The following RGS6 variants were observed in gnomAD, a reference collection of about 807,000 sequenced individuals.
RGS6 encodes the protein regulator of G-protein signaling 6.
A neutral mutation model predicts 78.5 loss-of-function variants in RGS6; 30 were observed. The ratio of observed to expected loss-of-function variants is 0.38; its 90% CI spans 0.29 to 0.52. RGS6 has a LOEUF of 0.52. RGS6 is among the 20% of genes least tolerant of loss of function. The pLI, the probability that RGS6 is intolerant of heterozygous loss-of-function variation, is 0.85. For missense variants in RGS6, 495 were observed against 609.7 expected, an observed-to-expected ratio of 0.81 and a Z score of 1.98; for synonymous variants, 206 against 206.0, an observed-to-expected ratio of 1.00 and a Z score of 0.00.
chr14:71,976,841 A>G lies in RGS6; in HGVS notation c.84+11966A>G, dbSNP rs1306540694. ...AGATCCCTGAGGAATCACCACACTG[A>G]CTTCCACAATGGTTGAACTAGTTTA... On this transcript the variant is annotated intron_variant, in intron 2 of 17. Transcript: ENST00000553525. Among the ~76,000 whole-genome samples the G allele has an allele frequency of 4.0e-5, 6 of 148,388 alleles. No homozygotes were observed. The East Asian group carries it at 1.2e-3, about 30-fold the overall frequency.
intron 2 of RGS6, among the ~76,000 whole-genome samples, chr14:72,190,346 C>T (rs1190322847): frequency 6.6e-6 from 1 of 152,236 alleles, no homozygotes; most frequent in Non-Finnish European, 1.5e-5. Flanking sequence ...GTTTTTCCAT[C>T]ATTTGGGTCT....
chr14:72,295,954 C>T (rs532374804), intron 2 of RGS6, among the ~76,000 whole-genome samples: 102 of 152,310 alleles, frequency 6.7e-4, no homozygotes, highest in African/African-American at 2.4e-3. Flanking sequence ...ACTTACGTAA[C>T]CCACAGCTCT....
intron 3 of RGS6, among the ~76,000 whole-genome samples, chr14:72,431,844 A>G (rs1381536863): frequency 2.0e-5 from 3 of 151,972 alleles, no homozygotes; most frequent in African/African-American, 7.3e-5. Flanking sequence ...TTCTCCTCTT[A>G]TTCCAGTGAT....
the RGS6 span, among the ~76,000 whole-genome samples, chr14:71,907,724 T>C: frequency 6.6e-6 from 1 of 152,022 alleles, no homozygotes; most frequent in Non-Finnish European, 1.5e-5. Context: ...CAGGAGGGTT[T>C]TGCAGTGGCC....
chr14:72,509,163 G>C (rs1345285006), intron 13 of RGS6, among the ~76,000 whole-genome samples: 4 of 151,982 alleles, frequency 2.6e-5, no homozygotes, highest in Admixed American at 1.3e-4. Flanking sequence ...AGGAGATTGA[G>C]ACCATCCTGG....
At chr14:72,403,144 C>T (rs1198480911) in intron 3 of RGS6, among the ~76,000 whole-genome samples, 1 of 152,178 alleles carries the variant, frequency 6.6e-6, no homozygotes. Context: ...AGAGGAATAC[C>T]TGCACCCCAT....
intron 2 of RGS6, among the ~76,000 whole-genome samples, chr14:72,217,551 A>T (rs1182603978): frequency 6.6e-6 from 1 of 151,974 alleles, no homozygotes; most frequent in Admixed American, 6.6e-5. Context: ...GTTTTTTTCT[A>T]ATTTAAAAAA....
At chr14:72,079,478 C>A (rs1405010637) in intron 2 of RGS6, among the ~76,000 whole-genome samples, 2 of 152,098 alleles carry the variant, frequency 1.3e-5, no homozygotes, top group Non-Finnish European at 1.5e-5. Flanking sequence ...AGGCATTGTG[C>A]ACTGGCTAAG....
chr14:72,566,945 A>G (rs7148786), downstream of RGS6, among the ~76,000 whole-genome samples: 70,067 of 152,010 alleles, frequency 0.46, 19,871 homozygotes, highest in African/African-American at 0.81. Context: ...CTTCTTACAC[A>G]GAGTCTCGGT....
intron 2 of RGS6, among the ~76,000 whole-genome samples, chr14:72,025,355 G>T (rs1567044499): frequency 1.3e-5 from 2 of 152,018 alleles, no homozygotes; most frequent in African/African-American, 4.8e-5. Context: ...ATTATACAGG[G>T]TTAACAAAAA....
chr14:72,048,864 C>T (rs942370710), intron 2 of RGS6, among the ~76,000 whole-genome samples: 2 of 152,162 alleles, frequency 1.3e-5, no homozygotes, highest in South Asian at 2.1e-4. Context: ...ATAACAAAAA[C>T]CTCTATAATC....
chr14:71,903,376 A>G, the RGS6 span, among the ~76,000 whole-genome samples: 3 of 152,172 alleles, frequency 2.0e-5, no homozygotes, highest in Admixed American at 6.5e-5. Context: ...TTGGCTAACT[A>G]TTGAGGTCAG....
At chr14:72,378,702 G>A (rs1415404107) in intron 3 of RGS6, among the ~76,000 whole-genome samples, 2 of 152,020 alleles carry the variant, frequency 1.3e-5, no homozygotes, top group African/African-American at 4.8e-5. Flanking sequence ...GTAATAAAAA[G>A]TTTCCCAAAA....
chr14:72,495,217 A>G lies in RGS6; in HGVS notation c.920A>G (p.Asn307Ser). The change falls in exon 13 of 18, where the codon AAC becomes AGC. Residue 307 changes from asparagine (N) to serine (S), a missense_variant. Physicochemically the swap from Asn to Ser is conservative, Grantham distance 46. Transcript: ENST00000553525. The stretch of plus-strand genomic sequence containing the variant: ...TTGATAACACCAGCTGAGCCATCCA[A>G]CCCTTGGATCAGCGATGACGTTGCT... Reference protein sequence around the residue: ...DPLITPAEPSNPWISDDVALW... With the variant: ...DPLITPAEPSSPWISDDVALW... 3 of 1,613,738 alleles carry G rather than the reference A, an allele frequency of 1.9e-6. No individual in the cohort carries two copies. Among genetic ancestry groups the G allele is most frequent in the African/African-American group, 1.3e-5 (1 of 75,016 alleles).
rs961753108 is a variant in RGS6 at position 72,277,231 on chromosome 14, G to A, written c.85-74864G>A. Among the ~76,000 whole-genome samples the A allele has an allele frequency of 1.2e-4, 19 of 152,316 alleles. 1 individual carries two copies. Among genetic ancestry groups the A allele is most frequent in the Admixed American group, 1.1e-3 (17 of 15,306 alleles). The stretch of plus-strand genomic sequence containing the variant: ...CAGGTGCATCAGAGGAGGCCTCTTT[G>A]TTCCTGGTACTATGCTCATTGATGT... On this transcript the variant is annotated intron_variant, in intron 2 of 17. Coordinates refer to ENST00000553525, the MANE Select transcript of RGS6 (RefSeq NM_001204424.2).
intron 2 of RGS6, among the ~76,000 whole-genome samples, chr14:72,075,461 A>G (rs2094542228): frequency 6.6e-6 from 1 of 152,128 alleles, no homozygotes; most frequent in Non-Finnish European, 1.5e-5. Flanking sequence ...TGGTACCTAA[A>G]TCAAGCTCTT....
At chr14:72,597,290 G>A in the RGS6 span, among the ~76,000 whole-genome samples, 8 of 151,924 alleles carry the variant, frequency 5.3e-5, no homozygotes, top group Non-Finnish European at 1.5e-5. Flanking sequence ...GATAATAATA[G>A]CATCGAATGC....
At chr14:72,209,610 T>C (rs1440209234) in intron 2 of RGS6, among the ~76,000 whole-genome samples, 1 of 152,176 alleles carries the variant, frequency 6.6e-6, no homozygotes, top group African/African-American at 2.4e-5. Flanking sequence ...CTCCCCATGC[T>C]GCCAGCTTAT....
chr14:72,437,839 A>T (rs2095008601), intron 3 of RGS6, among the ~76,000 whole-genome samples: 1 of 152,164 alleles, frequency 6.6e-6, no homozygotes, highest in Non-Finnish European at 1.5e-5. Context: ...ATCCACTTGG[A>T]AGCAGCGTCC....
Sources: gnomAD v4.1 joint callset for allele counts (sites outside exome capture counted in the v4.1 genomes callset) on GRCh38, gnomAD v4.1.1 for gene constraint, MANE v1.5 for transcripts, NCBI Gene and HGNC (gene_info 2026-07-23, HGNC 2026-07-21) for gene names.